Variants in USP14 observed in about 807,000 individuals in gnomAD.
USP14 encodes ubiquitin specific peptidase 14.
A neutral mutation model predicts 76.5 loss-of-function variants in USP14; 38 were observed. The observed-to-expected ratio is 0.50, with a 90% CI of 0.38 to 0.65. USP14 has a LOEUF of 0.65. USP14 is among the 30% of genes least tolerant of loss of function. The pLI is 0.00. For synonymous variants in USP14, 192 were observed against 191.7 expected, an observed-to-expected ratio of 1.00 and a Z score of -0.01; for missense variants, 467 against 586.5, an observed-to-expected ratio of 0.80 and a Z score of 2.10.
intron 5 of USP14, among the ~76,000 whole-genome samples, chr18:190,911 G>A (rs1472057984): frequency 1.3e-5 from 2 of 151,820 alleles, no homozygotes; most frequent in Admixed American, 1.3e-4. Context: ...ACATTTTATT[G>A]CTCTAATATG....
At chr18:204,133 T>C (rs1567836314) in intron 12 of USP14, among the ~76,000 whole-genome samples, 1 of 152,114 alleles carries the variant, frequency 6.6e-6, no homozygotes, top group Non-Finnish European at 1.5e-5. Flanking sequence ...ACTTTAAATA[T>C]ATACTACTAT....
rs9951575 is a variant in USP14 at position 213,592 on chromosome 18, A to G, written c.*2308A>G. 24,791 of 152,418 alleles carry G rather than the reference A, an allele frequency of 0.16. 2,394 individuals carry two copies. Among genetic ancestry groups the G allele is most frequent in the African/African-American group, 0.26 (10,694 of 41,424 alleles). The allele number at this position is 152,418 out of a possible 1,614,324, so 9.4% of individuals were successfully genotyped here. Reference sequence around the variant, plus strand: ...CTCACACCGAGGCCATCATCTCAACATTAGAGTTGTGCTAGATTACTGCTT... The same window carrying G: ...CTCACACCGAGGCCATCATCTCAACGTTAGAGTTGTGCTAGATTACTGCTT... On this transcript the variant is annotated 3_prime_UTR_variant, in exon 16 of 16. Transcript: ENST00000261601.
chr18:161,672 A>G (rs1909123017), intron 1 of USP14, among the ~76,000 whole-genome samples: 1 of 152,202 alleles, frequency 6.6e-6, no homozygotes, highest in South Asian at 2.1e-4. Flanking sequence ...AACTGATGAT[A>G]GAGTTGGGAT....
chr18:179,459 T>C (rs1909720377), intron 4 of USP14, among the ~76,000 whole-genome samples: 1 of 151,952 alleles, frequency 6.6e-6, no homozygotes, highest in Admixed American at 6.6e-5. Context: ...ATGTGGAAAA[T>C]ACATACATTT....
chr18:158,650 C>T lies in USP14; in HGVS notation c.-49C>T, dbSNP rs1909018974. 2.6e-6 allele frequency: 4 copies of T among 1,515,212 alleles called. No individual in the cohort carries two copies. The highest frequency in any genetic ancestry group is 1.4e-5 in the African/African-American group (1 of 69,386). 93.9% of individuals were successfully genotyped at this position (1,515,212 alleles called of 1,614,324 possible). On this transcript the variant is annotated 5_prime_UTR_variant, in exon 1 of 16. Coordinates refer to ENST00000261601, the MANE Select transcript of USP14 (RefSeq NM_005151.4). ...TCCTGGTCCCCGTCCCTTTGCCGCC[C>T]TCGTCAGGCCCAGCTCTCCTGCGCC...
intron 3 of USP14, among the ~76,000 whole-genome samples, chr18:168,047 C>T (rs1463082117): frequency 6.7e-6 from 1 of 148,544 alleles, no homozygotes; most frequent in Non-Finnish European, 1.5e-5. Context: ...AAGCAATTCT[C>T]TTGCCTGAGC....
In USP14 at chr18:158,627, C is replaced by T. The variant is rs537767738; in HGVS notation, c.-72C>T. The T allele has an allele frequency of 6.0e-6, 9 of 1,487,868 alleles. No homozygotes were observed. The highest frequency in any genetic ancestry group is 4.9e-5 in the South Asian group (4 of 81,088). 92.2% of individuals were successfully genotyped at this position (1,487,868 alleles called of 1,614,324 possible). On this transcript the variant is annotated 5_prime_UTR_variant, in exon 1 of 16. Transcript: ENST00000261601. ...GCCTCGGCCGCCGCCGCAGCTGCTCCTGGTCCCCGTCCCTTTGCCGCCCTC... is the reference window on the plus strand; with the variant it reads ...GCCTCGGCCGCCGCCGCAGCTGCTCTTGGTCCCCGTCCCTTTGCCGCCCTC...
chr18:197,833 GT>G (rs1910280341), intron 8 of USP14, 137 bp downstream of exon 8: 1 of 715,064 alleles, frequency 1.4e-6, no homozygotes, highest in African/African-American at 1.8e-5. Context: ...TGCTCAATCT[GT>G]AGTCAGAATT....
rs1910429606 is a variant in USP14 at position 203,152 on chromosome 18, T to A, written c.997T>A (p.Tyr333Asn). The change falls in exon 12 of 16, where the codon TAT (tyrosine) becomes AAT (asparagine). Residue 333 changes from tyrosine (Y) to asparagine (N), a missense_variant. Coordinates refer to ENST00000261601, the MANE Select transcript of USP14 (RefSeq NM_005151.4). The stretch of plus-strand genomic sequence containing the variant: ...GACCATTCAGATGGTTCGATTTTTT[T>A]ATAAAGAGAAGGAATCTGTGAATGC... ...YLTIQMVRFF[Y>N]KEKESVNAKV... 3 of 1,614,146 alleles carry A rather than the reference T, an allele frequency of 1.9e-6. No homozygotes were observed. Among genetic ancestry groups the A allele is most frequent in the Non-Finnish European group, 2.5e-6 (3 of 1,180,012 alleles).
intron 2 of USP14, among the ~76,000 whole-genome samples, chr18:164,895 C>G (rs191023837): frequency 6.6e-6 from 1 of 152,232 alleles, no homozygotes; most frequent in African/African-American, 2.4e-5. Context: ...AGAATCCATC[C>G]CTGCCAGCAT....
intron 9 of USP14, 141 bp downstream of exon 9, chr18:198,273 T>G (rs1027049153): frequency 1.5e-6 from 1 of 671,020 alleles, no homozygotes; most frequent in African/African-American, 1.8e-5. Context: ...GTTTCGCTCT[T>G]GTCGCCCAGG....
chr18:197,677 A>G lies in USP14; in HGVS notation c.656A>G (p.Glu219Gly). The G allele has an allele frequency of 6.2e-7, 1 of 1,612,046 alleles. No individual in the cohort carries two copies. Among genetic ancestry groups the G allele is most frequent in the Non-Finnish European group, 8.5e-7 (1 of 1,178,804 alleles). The change falls in exon 8 of 16, where the codon GAG (glutamate) becomes GGG (glycine). Residue 219 changes from glutamate to glycine, a missense_variant. Coordinates refer to ENST00000261601, the MANE Select transcript of USP14 (RefSeq NM_005151.4). The part of the protein sequence containing the change: ...RVLQQKLEAI[E>G]DDSVKETDSS... ...TTGCAACAGAAATTGGAAGCAATAG[A>G]GGATGATTCTGTTAAAGAGGTAATT...
chr18:181,827 T>C (rs1909796595), intron 5 of USP14, among the ~76,000 whole-genome samples: 1 of 152,180 alleles, frequency 6.6e-6, no homozygotes, highest in Non-Finnish European at 1.5e-5. Context: ...AAGACTTACT[T>C]CTTTGTTGTT....
chr18:178,461 C>G lies in USP14; in HGVS notation c.196-472C>G, dbSNP rs564092295. ...ACTTATTTTTTCCTTAAGCTTTATTCAGGTACAATTTATATAGAGTAAAAT... is the reference window on the plus strand; with the variant it reads ...ACTTATTTTTTCCTTAAGCTTTATTGAGGTACAATTTATATAGAGTAAAAT... On this transcript the variant is annotated intron_variant, in intron 3 of 15. Coordinates refer to ENST00000261601, the MANE Select transcript of USP14 (RefSeq NM_005151.4). 7.1e-4 allele frequency among the ~76,000 whole-genome samples: 108 copies of G among 152,252 alleles called. 1 individual carries two copies. The highest frequency in any genetic ancestry group is 2.4e-3 in the African/African-American group (99 of 41,548).
In USP14 at chr18:158,644, G is replaced by A. The variant is rs1909018590; in HGVS notation, c.-55G>A. On this transcript the variant is annotated 5_prime_UTR_variant, in exon 1 of 16. Transcript: ENST00000261601. The stretch of plus-strand genomic sequence containing the variant: ...AGCTGCTCCTGGTCCCCGTCCCTTT[G>A]CCGCCCTCGTCAGGCCCAGCTCTCC... 2 of 1,510,154 alleles carry A rather than the reference G, an allele frequency of 1.3e-6. No homozygotes were observed. Among genetic ancestry groups the A allele is most frequent in the South Asian group, 1.2e-5 (1 of 82,080 alleles). 93.5% of individuals were successfully genotyped at this position (1,510,154 alleles called of 1,614,324 possible). A position where few individuals can be genotyped will look rare whatever the true frequency, so the allele number is the denominator to read the frequency against.
At chr18:204,771 T>C in intron 13 of USP14, 79 bp downstream of exon 13, 1 of 1,529,040 alleles carries the variant, frequency 6.5e-7, no homozygotes, top group Non-Finnish European at 8.8e-7. Flanking sequence ...GTCTTTTTTT[T>C]CCTGCTTCAT....
chr18:178,784 G>C (rs1217177481), intron 3 of USP14, 149 bp from the exon 4 acceptor site: 1 of 537,242 alleles, frequency 1.9e-6, no homozygotes, highest in Non-Finnish European at 3.4e-6. Context: ...TCCAGTCCTA[G>C]GCAGCAACTA....
chr18:214,519 A>ATTGT lies in USP14; in HGVS notation c.*3237_*3240dup, dbSNP rs3084176. 4 of 886,362 alleles carry ATTGT rather than the reference A, an allele frequency of 4.5e-6. No homozygotes were observed. The highest frequency in any genetic ancestry group is 3.5e-5 in the South Asian group (2 of 56,748). The allele number at this position is 886,362 out of a possible 1,614,324, so 54.9% of individuals were successfully genotyped here. A position where few individuals can be genotyped will look rare whatever the true frequency, so the allele number is the denominator to read the frequency against. ...CAGAGCACCAGCCGACTGTACAACA[A>ATTGT]TTGTTATAAAAATGTTTATTGTTTA... On this transcript the variant is annotated 3_prime_UTR_variant, in exon 16 of 16. Transcript: ENST00000261601.
chr18:174,931 A>G (rs368062061), intron 3 of USP14, among the ~76,000 whole-genome samples: 5 of 151,972 alleles, frequency 3.3e-5, no homozygotes, highest in African/African-American at 1.2e-4. Context: ...ATGTGCCACC[A>G]CGCCGGACTA....
Sources: allele counts gnomAD v4.1 joint callset (sites outside exome capture counted in the v4.1 genomes callset), GRCh38; gene constraint gnomAD v4.1.1; transcripts MANE v1.5; gene names NCBI Gene and HGNC (gene_info 2026-07-23, HGNC 2026-07-21).